GLI3: variants seen among roughly 807,000 people sequenced by gnomAD.
GLI3 encodes the protein transcription activator GLI3.
Under a neutral mutation model 100.8 loss-of-function variants are expected in GLI3, and 20 were observed. That is an observed-to-expected ratio of 0.20 (90% CI 0.14 to 0.29). The LOEUF (loss-of-function observed/expected upper bound fraction) is 0.29. Among genes scored for constraint, GLI3 ranks in the 10% least tolerant of loss-of-function variants. GLI3 has a pLI of 1.00. For missense variants in GLI3, 2,040 were observed against 2,128.5 expected (o/e 0.96, Z 0.82); for synonymous variants, 938 against 860.5 (o/e 1.09, Z -1.58).
intron 4 of GLI3, among the ~76,000 whole-genome samples, chr7:42,063,291 G>A (rs1047625260): frequency 5.9e-5 from 9 of 151,922 alleles, no homozygotes; most frequent in Non-Finnish European, 1.0e-4. Flanking sequence ...AAATACATAC[G>A]TACACACACA....
chr7:42,113,662 T>C, intron 3 of GLI3: 4 of 784,834 alleles, frequency 5.1e-6, no homozygotes, highest in Non-Finnish European at 8.9e-6. Context: ...TTCTGATGAC[T>C]GTACAGTTTG....
At chr7:42,248,135 G>A (rs550821769) in intron 1 of GLI3, among the ~76,000 whole-genome samples, 7 of 152,198 alleles carry the variant, frequency 4.6e-5, no homozygotes, top group African/African-American at 1.4e-4. Context: ...GCATACCTTC[G>A]AGTCCTTTCC....
At chr7:41,975,392 G>T (rs767063699) in intron 12 of GLI3, among the ~76,000 whole-genome samples, 24 of 152,184 alleles carry the variant, frequency 1.6e-4, no homozygotes, top group Admixed American at 2.6e-4. Flanking sequence ...CACAAATCTG[G>T]ATTTCCTGGA....
chr7:42,188,113 G>C (rs567677472), intron 2 of GLI3, among the ~76,000 whole-genome samples: 61 of 151,908 alleles, frequency 4.0e-4, no homozygotes, highest in Admixed American at 1.3e-3. Context: ...CCAAGCAATA[G>C]CAAGGATGGC....
chr7:42,082,380 T>C (rs568849797), intron 3 of GLI3, among the ~76,000 whole-genome samples: 39 of 152,174 alleles, frequency 2.6e-4, no homozygotes, highest in African/African-American at 8.7e-4. Flanking sequence ...ACCTTGCAAT[T>C]CCTGCCTATG....
At chr7:42,020,782 C>T (rs1788913761) in intron 10 of GLI3, among the ~76,000 whole-genome samples, 1 of 150,858 alleles carries the variant, frequency 6.6e-6, no homozygotes, top group Non-Finnish European at 1.5e-5. Context: ...CCCAGCTACT[C>T]GGGAGGCTGA....
chr7:41,981,291 G>T (rs1021498560), intron 10 of GLI3, among the ~76,000 whole-genome samples: 5 of 152,216 alleles, frequency 3.3e-5, no homozygotes, highest in African/African-American at 1.2e-4. Flanking sequence ...AGGTAAGCTT[G>T]GGTTAGCTTG....
chr7:42,005,222 T>TA (rs569694119), intron 10 of GLI3, among the ~76,000 whole-genome samples: 210 of 152,208 alleles, frequency 1.4e-3, no homozygotes, highest in African/African-American at 4.7e-3. Context: ...ATTTGGGCTT[T>TA]AAAAAAATAG....
intron 3 of GLI3, among the ~76,000 whole-genome samples, chr7:42,093,272 G>A (rs1233029641): frequency 2.0e-5 from 3 of 151,658 alleles, no homozygotes; most frequent in Admixed American, 6.6e-5. Context: ...CCAGCTAGTC[G>A]GGAGGCTGAG....
chr7:41,965,124 G>C lies in GLI3; in HGVS notation c.3949C>G (p.Pro1317Ala). 6.2e-7 allele frequency: 1 copy of C among 1,613,862 alleles called. No individual in the cohort carries two copies. The highest frequency in any genetic ancestry group is 8.5e-7 in the Non-Finnish European group (1 of 1,180,018). The change falls in exon 15 of 15, where the codon CCA becomes GCA. Residue 1317 changes from proline to alanine, a missense_variant. This residue lies in a region of GLI3 where 1,041 missense variants were observed against 924.0 expected (regional missense o/e 1.13). Transcript: ENST00000395925. ...SMVNGMQNQD[P>A]VGQGYLAHQL... ...TGAGCCAGGTACCCCTGTCCCACTG[G>C]GTCCTGGTTCTGCATGCCATTCACC...
intron 10 of GLI3, among the ~76,000 whole-genome samples, chr7:41,991,088 A>T (rs562768645): frequency 3.9e-4 from 59 of 152,318 alleles, no homozygotes; most frequent in Non-Finnish European, 7.3e-4. Context: ...TACTGTGCTC[A>T]ACACTGAAAA....
intron 4 of GLI3, among the ~76,000 whole-genome samples, chr7:42,059,919 A>T (rs1252355727): frequency 6.6e-6 from 1 of 152,202 alleles, no homozygotes; most frequent in Non-Finnish European, 1.5e-5. Context: ...GGATCAAAGG[A>T]GTCTTTCCTT....
intron 7 of GLI3, among the ~76,000 whole-genome samples, chr7:42,030,272 G>A (rs73688621): frequency 0.11 from 16,207 of 151,946 alleles, 953 homozygotes; most frequent in African/African-American, 0.14. Flanking sequence ...ACTGCCACCC[G>A]GATAATCGAG....
At chr7:41,996,288 AT>A (rs543371584) in intron 10 of GLI3, among the ~76,000 whole-genome samples, 31 of 150,686 alleles carry the variant, frequency 2.1e-4, no homozygotes, top group African/African-American at 2.7e-4. Flanking sequence ...TGGAACAATT[AT>A]TTTTTTTTTC....
chr7:41,994,198 G>C (rs1223724240), intron 10 of GLI3, among the ~76,000 whole-genome samples: 2 of 152,150 alleles, frequency 1.3e-5, no homozygotes, highest in Admixed American at 1.3e-4. Flanking sequence ...AGTTATCCTT[G>C]ACAAGATTAA....
chr7:42,129,654 C>CA (rs548122898), intron 3 of GLI3, among the ~76,000 whole-genome samples: 3 of 152,086 alleles, frequency 2.0e-5, no homozygotes, highest in East Asian at 1.9e-4. Flanking sequence ...ACCAAAAATA[C>CA]AAAAAAATTA....
At chr7:42,250,223 A>G (rs1034851568) in intron 1 of GLI3, among the ~76,000 whole-genome samples, 3 of 152,124 alleles carry the variant, frequency 2.0e-5, no homozygotes, top group Admixed American at 6.5e-5. Context: ...TGGAAAATCA[A>G]TTTTCTTTGT....
intron 2 of GLI3, among the ~76,000 whole-genome samples, chr7:42,164,952 A>C (rs969215295): frequency 2.6e-5 from 4 of 151,706 alleles, no homozygotes; most frequent in African/African-American, 9.7e-5. Flanking sequence ...CAATAATGAA[A>C]TGATCATAAA....
chr7:41,998,001 T>C (rs1017382974), intron 10 of GLI3, among the ~76,000 whole-genome samples: 2 of 152,204 alleles, frequency 1.3e-5, no homozygotes, highest in African/African-American at 2.4e-5. Context: ...ATATGCCGGC[T>C]GCACACTTAA....
Sources: allele counts gnomAD v4.1 joint callset (sites outside exome capture counted in the v4.1 genomes callset), GRCh38; gene constraint gnomAD v4.1.1; regional missense constraint gnomAD v4.1.1; transcripts MANE v1.5; gene names NCBI Gene and HGNC (gene_info 2026-07-23, HGNC 2026-07-21).